Variants in HIPK2 observed in about 807,000 individuals in gnomAD.
HIPK2 encodes homeodomain-interacting protein kinase 2.
A neutral mutation model predicts 113.7 loss-of-function variants in HIPK2; 27 were observed. That is an observed-to-expected ratio of 0.24 (90% CI 0.17 to 0.33). The LOEUF (loss-of-function observed/expected upper bound fraction) is 0.33. Among genes scored for constraint, HIPK2 ranks in the 10% least tolerant of loss-of-function variants. The pLI is 1.00. For missense variants in HIPK2, 1,257 were observed against 1,588.0 expected (o/e 0.79, Z 3.54); for synonymous variants, 631 against 642.2 (o/e 0.98, Z 0.26).
At chr7:139,686,406 T>C (rs1443600249) in intron 2 of HIPK2, among the ~76,000 whole-genome samples, 2 of 152,340 alleles carry the variant, frequency 1.3e-5, no homozygotes, top group African/African-American at 4.8e-5. Context: ...ATATTTGATA[T>C]GGTTTGGCTG....
rs1405329780 is a variant in HIPK2 at position 139,583,811 on chromosome 7, A to G, written c.2965+6T>C. The G allele has an allele frequency of 1.2e-6, 2 of 1,608,758 alleles. No homozygotes were observed. Among genetic ancestry groups the G allele is most frequent in the Non-Finnish European group, 1.7e-6 (2 of 1,177,466 alleles). ...AGGTTCCTGCCCTGTCCTGGCCCCA[A>G]ATTACCTGGCACCAGGCTATCACAC... On this transcript the variant is annotated splice_donor_region_variant and intron_variant, in intron 13 of 14. Transcript: ENST00000406875.
chr7:139,662,981 GTC>G (rs1261367967), intron 2 of HIPK2, among the ~76,000 whole-genome samples: 1 of 152,128 alleles, frequency 6.6e-6, no homozygotes, highest in Non-Finnish European at 1.5e-5. Flanking sequence ...TCCAAGTCCT[GTC>G]TCTGACTATC....
intron 2 of HIPK2, among the ~76,000 whole-genome samples, chr7:139,635,750 C>T (rs1000207518): frequency 6.6e-5 from 10 of 152,046 alleles, no homozygotes; most frequent in South Asian, 6.2e-4. Flanking sequence ...CAACTCGAGT[C>T]GAATACAAAA....
In HIPK2 at chr7:139,669,688, C is replaced by T. The variant is rs116417987; in HGVS notation, c.1104-37963G>A. ...GGACACATTAAGTGATGAAATAAAACGTACTAAAGCACAGAATGTCAGATA... is the reference window on the plus strand; with the variant it reads ...GGACACATTAAGTGATGAAATAAAATGTACTAAAGCACAGAATGTCAGATA... On this transcript the variant is annotated intron_variant, in intron 2 of 14. Coordinates refer to ENST00000406875, the MANE Select transcript of HIPK2 (RefSeq NM_022740.5). Among the ~76,000 whole-genome samples the T allele has an allele frequency of 7.8e-3, 1,191 of 152,168 alleles. 12 individuals are homozygous for T. Among genetic ancestry groups the T allele is most frequent in the African/African-American group, 0.027 (1,137 of 41,470 alleles).
chr7:139,605,839 T>C (rs1187784743), intron 9 of HIPK2, among the ~76,000 whole-genome samples: 1 of 152,232 alleles, frequency 6.6e-6, no homozygotes, highest in Non-Finnish European at 1.5e-5. Context: ...TCAGGTTTAC[T>C]TAACTCACAG....
intron 1 of HIPK2, among the ~76,000 whole-genome samples, chr7:139,764,266 T>A (rs1054829932): frequency 2.0e-5 from 3 of 152,218 alleles, no homozygotes; most frequent in Admixed American, 1.3e-4. Context: ...GATCAGTCAA[T>A]GGAAATATGA....
At chr7:139,614,119 C>T (rs777237861) in intron 8 of HIPK2, among the ~76,000 whole-genome samples, 167 bp downstream of exon 8, 4 of 152,138 alleles carry the variant, frequency 2.6e-5, no homozygotes, top group Non-Finnish European at 5.9e-5. Flanking sequence ...CTAGGTTGGC[C>T]ACAGTAGGAG....
chr7:139,663,689 C>A (rs938001059), intron 2 of HIPK2, among the ~76,000 whole-genome samples: 1 of 152,180 alleles, frequency 6.6e-6, no homozygotes, highest in Non-Finnish European at 1.5e-5. Flanking sequence ...GCTTTTGAGA[C>A]ATTAGAAACA....
chr7:139,737,549 C>T (rs1795972638), intron 1 of HIPK2, among the ~76,000 whole-genome samples: 1 of 152,142 alleles, frequency 6.6e-6, no homozygotes, highest in Admixed American at 6.5e-5. Flanking sequence ...GGCTGAAAAT[C>T]GCTAGAAGCC....
intron 1 of HIPK2, among the ~76,000 whole-genome samples, chr7:139,724,103 CAT>C (rs1795499317): frequency 1.3e-5 from 2 of 149,362 alleles, no homozygotes; most frequent in African/African-American, 5.0e-5. Context: ...GCACATAAGA[CAT>C]AACAAAATTA....
At chr7:139,635,964 C>A (rs1167296235) in intron 2 of HIPK2, among the ~76,000 whole-genome samples, 1 of 152,240 alleles carries the variant, frequency 6.6e-6, no homozygotes, top group African/African-American at 2.4e-5. Context: ...CCCTTCAAGG[C>A]CCACTCTCTG....
chr7:139,674,826 G>A lies in HIPK2; in HGVS notation c.1103+41106C>T, dbSNP rs77687603. On this transcript the variant is annotated intron_variant, in intron 2 of 14. Transcript: ENST00000406875. ...TAAAACTTTTGCATTTCAAACTCCT[G>A]GTAGCGCTTACGATGAAGATGTAAA... 4.4e-3 allele frequency among the ~76,000 whole-genome samples: 663 copies of A among 152,250 alleles called. 1 individual carries two copies. Among genetic ancestry groups the A allele is most frequent in the Non-Finnish European group, 7.5e-3 (509 of 68,022 alleles).
chr7:139,645,708 C>T (rs11980605), intron 2 of HIPK2, among the ~76,000 whole-genome samples: 2,849 of 152,160 alleles, frequency 0.019, 81 homozygotes, highest in African/African-American at 0.063. Context: ...TCTCTGGAGA[C>T]GTGCACGCCA....
chr7:139,587,974 AG>A (rs1798893710), intron 12 of HIPK2, among the ~76,000 whole-genome samples: 2 of 152,256 alleles, frequency 1.3e-5, no homozygotes, highest in South Asian at 4.2e-4. Flanking sequence ...ATTTGAGGCT[AG>A]GAGTTTAAGA....
intron 2 of HIPK2, among the ~76,000 whole-genome samples, chr7:139,695,122 GA>G (rs1280871702): frequency 6.6e-6 from 1 of 152,162 alleles, no homozygotes; most frequent in Non-Finnish European, 1.5e-5. Context: ...TCAGTGCACG[GA>G]CTTCACTCAC....
At chr7:139,679,627 A>G (rs542705643) in intron 2 of HIPK2, among the ~76,000 whole-genome samples, 1 of 152,370 alleles carries the variant, frequency 6.6e-6, no homozygotes, top group Non-Finnish European at 1.5e-5. Context: ...TGCTAGAAGC[A>G]TTAAAATTTT....
intron 2 of HIPK2, among the ~76,000 whole-genome samples, chr7:139,673,663 T>A (rs1802384421): frequency 6.6e-6 from 1 of 152,120 alleles, no homozygotes; most frequent in Non-Finnish European, 1.5e-5. Flanking sequence ...TCCCTATCCT[T>A]CTACCTACAG....
At position 139,573,369 on chromosome 7, in the gene HIPK2, G is replaced by C. The variant is rs1383599186; in HGVS notation, c.3155C>G (p.Thr1052Ser). 3.7e-6 allele frequency: 6 copies of C among 1,604,402 alleles called. No individual in the cohort carries two copies. Among genetic ancestry groups the C allele is most frequent in the Non-Finnish European group, 5.1e-6 (6 of 1,179,810 alleles). The part of the protein sequence containing the change: ...QAQQHITTDR[T>S]GSHRRQQAYI... ...GGCCTGCTGCCTTCGGTGGCTCCCAGTGCGGTCCGTGGTGATGTGCTGCTG... is the reference window on the plus strand; with the variant it reads ...GGCCTGCTGCCTTCGGTGGCTCCCACTGCGGTCCGTGGTGATGTGCTGCTG... The change falls in exon 15 of 15, where the codon ACT (threonine) becomes AGT (serine). Residue 1052 changes from threonine (T) to serine (S), a missense_variant. Physicochemically the swap from Thr to Ser is moderately conservative, Grantham distance 58. Transcript: ENST00000406875.
intron 2 of HIPK2, among the ~76,000 whole-genome samples, chr7:139,701,163 C>T (rs1015417192): frequency 4.6e-5 from 7 of 152,176 alleles, no homozygotes; most frequent in Non-Finnish European, 1.0e-4. Flanking sequence ...GGCATCACTC[C>T]AGAGGCTGGA....
Sources: gnomAD v4.1 joint callset for allele counts (sites outside exome capture counted in the v4.1 genomes callset) on GRCh38, gnomAD v4.1.1 for gene constraint, MANE v1.5 for transcripts, NCBI Gene and HGNC (gene_info 2026-07-23, HGNC 2026-07-21) for gene names.